PARD3B: variants seen among roughly 807,000 people sequenced by gnomAD.
PARD3B encodes the protein partitioning defective 3 homolog B.
In PARD3B, 103 loss-of-function variants were observed where a neutral mutation model predicts 130.2. The observed-to-expected ratio is 0.79, with a 90% CI of 0.67 to 0.93. The LOEUF is 0.93. PARD3B is among the 40% of genes least tolerant of loss of function. The pLI is 0.00. For synonymous variants in PARD3B, 583 were observed against 553.2 expected, an observed-to-expected ratio of 1.05 and a Z score of -0.76; for missense variants, 1,609 against 1,499.2, an observed-to-expected ratio of 1.07 and a Z score of -1.21.
At chr2:205,603,787 C>G (rs1575465099) in intron 22 of PARD3B, among the ~76,000 whole-genome samples, 1 of 152,102 alleles carries the variant, frequency 6.6e-6, no homozygotes, top group East Asian at 1.9e-4. Context: ...TACAATGGGT[C>G]TTGACTCTAT....
At chr2:205,437,639 G>A (rs2047563131) in intron 19 of PARD3B, among the ~76,000 whole-genome samples, 1 of 152,046 alleles carries the variant, frequency 6.6e-6, no homozygotes, top group South Asian at 2.1e-4. Context: ...ATTGGACGGT[G>A]CAGATCTGGG....
intron 3 of PARD3B, among the ~76,000 whole-genome samples, chr2:205,036,829 G>T (rs1034954743): frequency 9.3e-5 from 14 of 150,772 alleles, no homozygotes; most frequent in Non-Finnish European, 4.4e-5. Context: ...ACAACGGACT[G>T]TATGTACAAA....
At chr2:204,783,725 C>CCT (rs1306431305) in intron 2 of PARD3B, among the ~76,000 whole-genome samples, 2 of 152,092 alleles carry the variant, frequency 1.3e-5, no homozygotes, top group African/African-American at 4.8e-5. Flanking sequence ...ATGTCTCACT[C>CCT]AAAGGCACAG....
chr2:204,925,277 T>C (rs186277823), intron 2 of PARD3B, among the ~76,000 whole-genome samples: 1 of 152,212 alleles, frequency 6.6e-6, no homozygotes, highest in African/African-American at 2.4e-5. Context: ...AGGAATTTTA[T>C]CTTTCCTATG....
chr2:205,049,485 A>G (rs904785588), intron 4 of PARD3B, among the ~76,000 whole-genome samples: 1 of 152,154 alleles, frequency 6.6e-6, no homozygotes, highest in Non-Finnish European at 1.5e-5. Context: ...GGGGATTACA[A>G]TTTGGTTTAC....
intron 1 of PARD3B, among the ~76,000 whole-genome samples, chr2:204,668,257 G>A (rs964734577): frequency 6.6e-6 from 1 of 152,146 alleles, no homozygotes; most frequent in Non-Finnish European, 1.5e-5. Context: ...TACCCAGCTG[G>A]CATCTGTTCT....
At chr2:205,166,416 G>C (rs190142238) in intron 11 of PARD3B, among the ~76,000 whole-genome samples, 1 of 152,134 alleles carries the variant, frequency 6.6e-6, no homozygotes, top group Non-Finnish European at 1.5e-5. Context: ...AGTCACCAAG[G>C]TATGTACACC....
chr2:205,074,540 G>A (rs576108883), intron 4 of PARD3B, among the ~76,000 whole-genome samples: 1 of 152,284 alleles, frequency 6.6e-6, no homozygotes, highest in Admixed American at 6.5e-5. Context: ...TACTGACTTA[G>A]TTGCTCTGCC....
At chr2:204,834,085 T>C (rs945966089) in intron 2 of PARD3B, among the ~76,000 whole-genome samples, 2 of 152,238 alleles carry the variant, frequency 1.3e-5, no homozygotes, top group Admixed American at 1.3e-4. Context: ...GCAATATTTT[T>C]TTTTTAGGAA....
intron 2 of PARD3B, among the ~76,000 whole-genome samples, chr2:204,716,219 C>G (rs931118663): frequency 3.9e-5 from 6 of 152,100 alleles, no homozygotes; most frequent in African/African-American, 1.4e-4. Context: ...TATTGGTCCA[C>G]TTACATCTGG....
At chr2:205,419,909 C>G (rs1178983122) in intron 19 of PARD3B, among the ~76,000 whole-genome samples, 5 of 152,060 alleles carry the variant, frequency 3.3e-5, no homozygotes, top group Non-Finnish European at 1.5e-5. Context: ...TGATGTCCCT[C>G]CCTCTTCAAA....
intron 2 of PARD3B, among the ~76,000 whole-genome samples, chr2:204,806,347 T>G (rs1281635505): frequency 6.6e-6 from 1 of 151,372 alleles, no homozygotes; most frequent in Non-Finnish European, 1.5e-5. Flanking sequence ...AAATCTACAG[T>G]GAACTAACTT....
At chr2:204,710,685 T>G (rs1250246270) in intron 2 of PARD3B, among the ~76,000 whole-genome samples, 1 of 152,220 alleles carries the variant, frequency 6.6e-6, no homozygotes, top group African/African-American at 2.4e-5. Flanking sequence ...AATTACTGAT[T>G]TGAAGAGTGA....
intron 1 of PARD3B, among the ~76,000 whole-genome samples, chr2:204,565,630 A>G (rs911213820): frequency 1.3e-5 from 2 of 152,188 alleles, no homozygotes; most frequent in Non-Finnish European, 2.9e-5. Flanking sequence ...AAAAATTTTT[A>G]ATTTTTGGAT....
At chr2:205,150,827 A>G (rs965727802) in intron 10 of PARD3B, among the ~76,000 whole-genome samples, 1 of 152,156 alleles carries the variant, frequency 6.6e-6, no homozygotes, top group African/African-American at 2.4e-5. Context: ...CACAGAGTAG[A>G]ATGGTGGTTA....
chr2:204,607,380 A>G (rs1172021863), intron 1 of PARD3B, among the ~76,000 whole-genome samples: 6 of 152,160 alleles, frequency 3.9e-5, no homozygotes, highest in Non-Finnish European at 7.3e-5. Context: ...TGCAGTAGAC[A>G]TGGGCTACTA....
intron 20 of PARD3B, among the ~76,000 whole-genome samples, chr2:205,456,309 A>C (rs1390413981): frequency 6.6e-6 from 1 of 152,066 alleles, no homozygotes; most frequent in Non-Finnish European, 1.5e-5. Flanking sequence ...TTACAAACAG[A>C]GTTGCTATAA....
intron 21 of PARD3B, among the ~76,000 whole-genome samples, chr2:205,507,450 G>A (rs566888869): frequency 5.9e-5 from 9 of 151,930 alleles, no homozygotes; most frequent in Admixed American, 3.9e-4. Context: ...TCCTGACCTC[G>A]TGATCTGCCT....
intron 3 of PARD3B, among the ~76,000 whole-genome samples, chr2:204,978,646 T>A (rs1692397308): frequency 6.6e-6 from 1 of 152,114 alleles, no homozygotes; most frequent in South Asian, 2.1e-4. Flanking sequence ...TTTTGCCTCC[T>A]CCTTTCCCAA....
Sources: gnomAD v4.1 joint callset for allele counts (sites outside exome capture counted in the v4.1 genomes callset) on GRCh38, gnomAD v4.1.1 for gene constraint, MANE v1.5 for transcripts, NCBI Gene and HGNC (gene_info 2026-07-23, HGNC 2026-07-21) for gene names.